Variants in THRB observed in about 807,000 individuals in gnomAD.
THRB encodes the protein thyroid hormone receptor beta.
A neutral mutation model predicts 47.8 loss-of-function variants in THRB; 12 were observed. That is an observed-to-expected ratio of 0.25 (90% confidence interval 0.16 to 0.41). The LOEUF (loss-of-function observed/expected upper bound fraction) is 0.41, where lower values mean the gene tolerates loss of function less well. Among genes scored for constraint, THRB ranks in the 10% least tolerant of loss-of-function variants. The pLI, the probability that THRB is intolerant of heterozygous loss-of-function variation, is 1.00. For missense variants in THRB, 348 were observed against 589.2 expected, an observed-to-expected ratio of 0.59 and a Z score of 4.24; for synonymous variants, 218 against 212.2, an observed-to-expected ratio of 1.03 and a Z score of -0.24.
chr3:24,404,627 C>G (rs748771258), intron 1 of THRB, among the ~76,000 whole-genome samples: 1 of 151,732 alleles, frequency 6.6e-6, no homozygotes, highest in Non-Finnish European at 1.5e-5. Context: ...AAAAATTTAA[C>G]TATTGTCATG....
chr3:24,176,086 C>T (rs771889326), intron 5 of THRB, among the ~76,000 whole-genome samples: 10 of 152,028 alleles, frequency 6.6e-5, no homozygotes, highest in Non-Finnish European at 1.3e-4. Flanking sequence ...CAAAGATGTG[C>T]TTAATTTAAT....
intron 3 of THRB, among the ~76,000 whole-genome samples, chr3:24,265,495 T>G (rs910415634): frequency 3.9e-5 from 6 of 152,256 alleles, no homozygotes; most frequent in Admixed American, 2.6e-4. Flanking sequence ...CAAAATTTTA[T>G]GTTCTAAGTC....
At position 24,333,697 on chromosome 3, in the gene THRB, G is replaced by A. The variant is rs1016306963; in HGVS notation, c.-189+3603C>T. Among the ~76,000 whole-genome samples, 53 of 152,316 alleles carry A rather than the reference G, an allele frequency of 3.5e-4. No homozygotes were observed. The Middle Eastern group carries it at 0.017, about 49-fold the overall frequency. The stretch of plus-strand genomic sequence containing the variant: ...GCTTATTTAAAGTGTTCTTTTTCAC[G>A]TATGATTCAGTTTTACCATAGCTTC... On this transcript the variant is annotated intron_variant, in intron 2 of 10. Transcript: ENST00000646209.
At chr3:24,468,609 G>T (rs2074329466) in intron 1 of THRB, among the ~76,000 whole-genome samples, 1 of 152,144 alleles carries the variant, frequency 6.6e-6, no homozygotes, top group South Asian at 2.1e-4. Flanking sequence ...ACAGATGGAG[G>T]ATCACTGAGT....
chr3:24,270,694 C>T (rs530042881), intron 3 of THRB, among the ~76,000 whole-genome samples: 1 of 152,294 alleles, frequency 6.6e-6, no homozygotes, highest in African/African-American at 2.4e-5. Context: ...ATTTACAGGC[C>T]TGGGAGTGGG....
In THRB at chr3:24,317,148, C is replaced by G. The variant is rs191127399; in HGVS notation, c.-188-19777G>C. Among the ~76,000 whole-genome samples the G allele has an allele frequency of 2.0e-4, 30 of 152,196 alleles. No homozygotes were observed. The South Asian group carries it at 5.8e-3, about 30-fold the overall frequency. ...GTATATTTTATAAGTAAAAAGAAGCCGCATAGTATGGGGTCTGTAAGTATG... is the reference window on the plus strand; with the variant it reads ...GTATATTTTATAAGTAAAAAGAAGCGGCATAGTATGGGGTCTGTAAGTATG... On this transcript the variant is annotated intron_variant, in intron 2 of 10. Transcript: ENST00000646209.
intron 1 of THRB, among the ~76,000 whole-genome samples, chr3:24,483,627 A>G (rs781595710): frequency 8.5e-5 from 13 of 152,260 alleles, no homozygotes; most frequent in Non-Finnish European, 1.6e-4. Context: ...GGTCAAAGAC[A>G]AAAAGGTAAA....
At chr3:24,318,174 G>C (rs905286029) in intron 2 of THRB, among the ~76,000 whole-genome samples, 1 of 152,186 alleles carries the variant, frequency 6.6e-6, no homozygotes, top group Non-Finnish European at 1.5e-5. Flanking sequence ...GATTCTTTTT[G>C]TTTGCAGGTA....
chr3:24,199,695 T>C (rs2044372552), intron 4 of THRB, among the ~76,000 whole-genome samples: 1 of 152,194 alleles, frequency 6.6e-6, no homozygotes, highest in Admixed American at 6.5e-5. Flanking sequence ...TTTTGATAAA[T>C]GAAAACCATT....
chr3:24,401,110 TA>T (rs112737028), intron 1 of THRB, among the ~76,000 whole-genome samples: 302 of 151,254 alleles, frequency 2.0e-3, no homozygotes, highest in Admixed American at 1.8e-3. Flanking sequence ...AACGAGCTTT[TA>T]AAAAAAAAGT....
At chr3:24,138,051 G>A (rs1482340849) in intron 8 of THRB, among the ~76,000 whole-genome samples, 1 of 152,018 alleles carries the variant, frequency 6.6e-6, no homozygotes, top group Non-Finnish European at 1.5e-5. Context: ...GCTCAGCACG[G>A]GTGAGGCTGG....
chr3:24,255,405 G>T (rs1384179435), intron 3 of THRB, among the ~76,000 whole-genome samples: 1 of 152,102 alleles, frequency 6.6e-6, no homozygotes, highest in Admixed American at 6.6e-5. Flanking sequence ...AATAATATCT[G>T]CCTTTAGGGA....
chr3:24,154,972 CAA>C (rs1269442591), intron 5 of THRB, among the ~76,000 whole-genome samples: 10 of 152,136 alleles, frequency 6.6e-5, no homozygotes, highest in Non-Finnish European at 1.3e-4. Flanking sequence ...TGGGAGGGGT[CAA>C]AACAAGGTGT....
chr3:24,376,065 T>A (rs1184769165), intron 1 of THRB, among the ~76,000 whole-genome samples: 1 of 152,156 alleles, frequency 6.6e-6, no homozygotes, highest in Non-Finnish European at 1.5e-5. Context: ...AAATATGAAG[T>A]AGCTTTGTAG....
At chr3:24,342,586 A>G (rs2062742345) in intron 1 of THRB, among the ~76,000 whole-genome samples, 1 of 152,198 alleles carries the variant, frequency 6.6e-6, no homozygotes. Context: ...ATCTTCCTCC[A>G]AGGCCTTCCA....
chr3:24,209,069 C>G (rs568268008), intron 4 of THRB, among the ~76,000 whole-genome samples: 8 of 152,154 alleles, frequency 5.3e-5, no homozygotes, highest in Non-Finnish European at 1.2e-4. Context: ...TTGCAGCCAA[C>G]AGGCACATGA....
chr3:24,413,761 C>T (rs2068518354), intron 1 of THRB, among the ~76,000 whole-genome samples: 1 of 151,766 alleles, frequency 6.6e-6, no homozygotes. Flanking sequence ...GTTCCCCACC[C>T]TGTGTCCAAG....
At chr3:24,269,389 G>A (rs1405842730) in intron 3 of THRB, among the ~76,000 whole-genome samples, 675 of 38,214 alleles carry the variant, frequency 0.018, 8 homozygotes, top group African/African-American at 0.054. Flanking sequence ...TAGCTCACAC[G>A]CGCGCGCGCG....
At chr3:24,129,653 C>G (rs1414734613) in intron 9 of THRB, among the ~76,000 whole-genome samples, 2 of 152,196 alleles carry the variant, frequency 1.3e-5, no homozygotes, top group African/African-American at 2.4e-5. Context: ...AACACGTGGG[C>G]AAATAATCTC....
Sources: allele counts gnomAD v4.1 joint callset (sites outside exome capture counted in the v4.1 genomes callset), GRCh38; gene constraint gnomAD v4.1.1; transcripts MANE v1.5; gene names NCBI Gene and HGNC (gene_info 2026-07-23, HGNC 2026-07-21).